Variants in PRKCQ observed in about 807,000 individuals in gnomAD.
PRKCQ encodes the protein protein kinase C theta, also known as protein kinase C theta type.
In PRKCQ, 41 loss-of-function variants were observed where a neutral mutation model predicts 91.2. That is an observed-to-expected ratio of 0.45 (90% CI 0.35 to 0.58). The LOEUF is 0.58. Ranked by LOEUF, PRKCQ falls within the 20% of genes least tolerant of loss-of-function variation. The pLI is 0.00. For synonymous variants in PRKCQ, 307 were observed against 316.9 expected (o/e 0.97, Z 0.33); for missense variants, 673 against 896.5 (o/e 0.75, Z 3.18).
At chr10:6,446,563 A>G (rs1834316018) in intron 15 of PRKCQ, among the ~76,000 whole-genome samples, 1 of 151,708 alleles carries the variant, frequency 6.6e-6, no homozygotes, top group Non-Finnish European at 1.5e-5. Flanking sequence ...ACGGGGTTTC[A>G]CCATGTTGGC....
chr10:6,580,311 GGCTGGC>G, upstream of PRKCQ: 1 of 148,612 alleles, frequency 6.7e-6, no homozygotes, highest in Non-Finnish European at 1.5e-5. Flanking sequence ...GGGCTGGCGG[GGCTGGC>G]GGGGCTGGCG....
intron 1 of PRKCQ, among the ~76,000 whole-genome samples, chr10:6,528,423 T>C (rs1839274927): frequency 6.6e-6 from 1 of 152,114 alleles, no homozygotes; most frequent in African/African-American, 2.4e-5. Context: ...TCCTCCTCGG[T>C]TGGCAGGGGT....
intron 1 of PRKCQ, among the ~76,000 whole-genome samples, chr10:6,550,593 A>C (rs1198816232): frequency 6.6e-6 from 1 of 152,312 alleles, no homozygotes; most frequent in East Asian, 1.9e-4. Context: ...TGTTTGTAGC[A>C]TATTTTGTTC....
chr10:6,555,655 AG>A (rs1264722170), intron 1 of PRKCQ, among the ~76,000 whole-genome samples: 14 of 152,202 alleles, frequency 9.2e-5, no homozygotes, highest in African/African-American at 3.4e-4. Context: ...TCAATTTCAT[AG>A]CATTGTATTA....
At chr10:6,413,145 G>A in the PRKCQ span, among the ~76,000 whole-genome samples, 1 of 151,982 alleles carries the variant, frequency 6.6e-6, no homozygotes, top group South Asian at 2.1e-4. Context: ...GTAGAGACGG[G>A]GTTTCACCAT....
At chr10:6,574,561 G>C (rs926084004) in intron 1 of PRKCQ, among the ~76,000 whole-genome samples, 1 of 152,138 alleles carries the variant, frequency 6.6e-6, no homozygotes, top group Non-Finnish European at 1.5e-5. Context: ...GACTCCTCCA[G>C]CTCCACCCAG....
At position 6,448,764 on chromosome 10, in the gene PRKCQ, T is replaced by A. The variant is rs189856505; in HGVS notation, c.1648-6683A>T. Reference sequence around the variant, plus strand: ...CATTATTTTGATGAAGCATAGATATTTTTGTAGTATTAATAAATATAGTTC... The same window carrying A: ...CATTATTTTGATGAAGCATAGATATATTTGTAGTATTAATAAATATAGTTC... On this transcript the variant is annotated intron_variant, in intron 15 of 17. Coordinates refer to ENST00000263125, the MANE Select transcript of PRKCQ (RefSeq NM_006257.5). Among the ~76,000 whole-genome samples, 226 of 152,226 alleles carry A rather than the reference T, an allele frequency of 1.5e-3. 1 individual carries two copies. The highest frequency in any genetic ancestry group is 2.6e-3 in the Non-Finnish European group (175 of 68,014).
At chr10:6,490,934 C>T (rs541714389) in intron 8 of PRKCQ, among the ~76,000 whole-genome samples, 1 of 151,880 alleles carries the variant, frequency 6.6e-6, no homozygotes, top group African/African-American at 2.4e-5. Flanking sequence ...AGTGTAACAG[C>T]ATCTCAGCTT....
the PRKCQ span, among the ~76,000 whole-genome samples, chr10:6,402,203 T>C: frequency 2.6e-5 from 4 of 151,530 alleles, no homozygotes; most frequent in Non-Finnish European, 4.4e-5. Context: ...TGTTGGGGGA[T>C]TGGGGACTAG....
intron 1 of PRKCQ, among the ~76,000 whole-genome samples, chr10:6,549,624 C>CT (rs753280727): frequency 0.06 from 7,519 of 124,350 alleles, 384 homozygotes; most frequent in East Asian, 0.15. Context: ...TAAAATTCAT[C>CT]TTTTTTTTTT....
chr10:6,469,392 G>GC (rs1286467121), intron 12 of PRKCQ, among the ~76,000 whole-genome samples: 2 of 152,180 alleles, frequency 1.3e-5, no homozygotes, highest in Non-Finnish European at 2.9e-5. Flanking sequence ...CAGGCTTGAG[G>GC]CTGTTTAGGT....
chr10:6,545,896 G>A (rs187696488), intron 1 of PRKCQ, among the ~76,000 whole-genome samples: 449 of 152,140 alleles, frequency 3.0e-3, no homozygotes, highest in Non-Finnish European at 5.2e-3. Flanking sequence ...CCAGCTATTC[G>A]GGAGGCTGAG....
intron 15 of PRKCQ, among the ~76,000 whole-genome samples, chr10:6,451,917 G>T (rs1306412996): frequency 2.0e-5 from 3 of 152,138 alleles, no homozygotes; most frequent in African/African-American, 7.2e-5. Flanking sequence ...AGTATTGATG[G>T]GATGTATCTC....
At chr10:6,532,114 G>A (rs1381429165) in intron 1 of PRKCQ, among the ~76,000 whole-genome samples, 2 of 152,116 alleles carry the variant, frequency 1.3e-5, no homozygotes, top group Non-Finnish European at 2.9e-5. Flanking sequence ...TTGTTTAATC[G>A]GCCAGATGTC....
chr10:6,529,162 A>T (rs1271074903), intron 1 of PRKCQ, among the ~76,000 whole-genome samples: 2 of 152,160 alleles, frequency 1.3e-5, no homozygotes, highest in Middle Eastern at 3.2e-3. Flanking sequence ...GAGGATTTCT[A>T]TGGACAAAGT....
At chr10:6,545,741 G>A (rs1002826284) in intron 1 of PRKCQ, among the ~76,000 whole-genome samples, 4 of 152,222 alleles carry the variant, frequency 2.6e-5, no homozygotes, top group South Asian at 2.1e-4. Flanking sequence ...GGCCAGGCAC[G>A]GTGGCTCATG....
At chr10:6,431,460 A>G (rs1169767638) in intron 16 of PRKCQ, among the ~76,000 whole-genome samples, 1 of 152,212 alleles carries the variant, frequency 6.6e-6, no homozygotes, top group Non-Finnish European at 1.5e-5. Flanking sequence ...ATGCACATGG[A>G]CATGAACACA....
At chr10:6,494,197 C>A (rs185765644) in intron 7 of PRKCQ, among the ~76,000 whole-genome samples, 2 of 152,348 alleles carry the variant, frequency 1.3e-5, no homozygotes, top group South Asian at 4.1e-4. Context: ...TCCCCATCAG[C>A]AACTGTCTTG....
At chr10:6,496,501 T>C (rs1564352003) in intron 7 of PRKCQ, among the ~76,000 whole-genome samples, 1 of 152,142 alleles carries the variant, frequency 6.6e-6, no homozygotes, top group Non-Finnish European at 1.5e-5. Context: ...CTTTATTTAC[T>C]CTTTTACTGT....
Sources: gnomAD v4.1 joint callset for allele counts (sites outside exome capture counted in the v4.1 genomes callset) on GRCh38, gnomAD v4.1.1 for gene constraint, MANE v1.5 for transcripts, NCBI Gene and HGNC (gene_info 2026-07-23, HGNC 2026-07-21) for gene names.